PCDH15: variants seen among roughly 807,000 people sequenced by gnomAD.
PCDH15 encodes protocadherin-15.
In PCDH15, 129 loss-of-function variants were observed where a neutral mutation model predicts 178.5. The observed-to-expected ratio is 0.72, with a 90% CI of 0.63 to 0.84. The LOEUF is 0.84. Ranked by LOEUF, PCDH15 falls within the 40% of genes least tolerant of loss-of-function variation. PCDH15 has a pLI of 0.00. For missense variants in PCDH15, 2,230 were observed against 2,099.9 expected (o/e 1.06, Z -1.21); for synonymous variants, 800 against 732.0 (o/e 1.09, Z -1.50).
chr10:55,049,685 C>G (rs1841109024), intron 2 of PCDH15, among the ~76,000 whole-genome samples: 1 of 151,890 alleles, frequency 6.6e-6, no homozygotes, highest in African/African-American at 2.4e-5. Context: ...GGTGACTGTA[C>G]AGGTTAGTTA....
chr10:54,558,966 A>G (rs1218857906), intron 2 of PCDH15, among the ~76,000 whole-genome samples: 1 of 152,048 alleles, frequency 6.6e-6, no homozygotes, highest in African/African-American at 2.4e-5. Context: ...AGATACAGAG[A>G]TAAGGTCAGT....
chr10:55,217,874 G>T (rs550680164), intron 1 of PCDH15, among the ~76,000 whole-genome samples: 2 of 152,012 alleles, frequency 1.3e-5, no homozygotes, highest in South Asian at 4.1e-4. Context: ...TTGTGGAAGG[G>T]ATTCTTTTTA....
At chr10:54,312,997 G>A (rs887134040) in intron 8 of PCDH15, among the ~76,000 whole-genome samples, 9 of 152,044 alleles carry the variant, frequency 5.9e-5, no homozygotes, top group Admixed American at 2.6e-4. Context: ...TTTTTTCAAA[G>A]TATGTTAAGG....
At chr10:54,847,935 T>C (rs542938785) in intron 3 of PCDH15, among the ~76,000 whole-genome samples, 1 of 152,310 alleles carries the variant, frequency 6.6e-6, no homozygotes, top group East Asian at 1.9e-4. Flanking sequence ...CCATATACTT[T>C]GTATGATACA....
At chr10:54,741,107 T>C (rs957182830) in intron 1 of PCDH15, among the ~76,000 whole-genome samples, 2 of 151,608 alleles carry the variant, frequency 1.3e-5, no homozygotes, top group African/African-American at 2.4e-5. Context: ...TATGCATGTA[T>C]CAAAATACCA....
chr10:54,678,979 A>G (rs886425411), intron 1 of PCDH15, among the ~76,000 whole-genome samples: 9 of 151,980 alleles, frequency 5.9e-5, no homozygotes, highest in Non-Finnish European at 1.0e-4. Context: ...TCACGAGGTC[A>G]GGAGATCGAG....
rs1840578488 is a variant in PCDH15, at chr10:55,498,172, T to G, written c.-156+129453A>C. On this transcript the variant is annotated intron_variant, in intron 2 of 5. Transcript: ENST00000613346. ...TTTAAGAAGGTTGAGTTATTATATT[T>G]TAAAGTCGAAATTACATTTAAGTTT... Among the ~76,000 whole-genome samples, 6 of 151,994 alleles carry G rather than the reference T, an allele frequency of 3.9e-5. 1 individual carries two copies. The East Asian group carries it at 1.2e-3, about 30-fold the overall frequency.
At chr10:55,300,317 C>A (rs972071587) in intron 1 of PCDH15, among the ~76,000 whole-genome samples, 1 of 152,140 alleles carries the variant, frequency 6.6e-6, no homozygotes, top group Non-Finnish European at 1.5e-5. Context: ...CCTGGATGAT[C>A]TTAGCCTTCA....
intron 3 of PCDH15, among the ~76,000 whole-genome samples, chr10:54,412,136 T>C (rs1182295537): frequency 6.6e-6 from 1 of 151,858 alleles, no homozygotes; most frequent in East Asian, 1.9e-4. Flanking sequence ...ATGGAGGAAC[T>C]GACAATAGAT....
chr10:54,535,176 A>G (rs1258056935), intron 2 of PCDH15, among the ~76,000 whole-genome samples: 1 of 152,216 alleles, frequency 6.6e-6, no homozygotes, highest in Non-Finnish European at 1.5e-5. Context: ...ATTGAATTAT[A>G]TAATTTGATG....
At chr10:54,290,379 AG>A (rs756591449) in intron 8 of PCDH15, among the ~76,000 whole-genome samples, 1 of 152,330 alleles carries the variant, frequency 6.6e-6, no homozygotes. Flanking sequence ...CTGCCTTACA[AG>A]AGCTTCTGAA....
chr10:53,816,871 A>G (rs2132435132), intron 34 of PCDH15, among the ~76,000 whole-genome samples: 1 of 152,356 alleles, frequency 6.6e-6, no homozygotes, highest in Non-Finnish European at 1.5e-5. Flanking sequence ...CAGATTTGGT[A>G]GGAATTGCTT....
At chr10:55,061,998 A>G (rs1369530695) in intron 2 of PCDH15, among the ~76,000 whole-genome samples, 1 of 152,192 alleles carries the variant, frequency 6.6e-6, no homozygotes, top group Non-Finnish European at 1.5e-5. Context: ...CCAGCCTGGC[A>G]ACAGAGCAAG....
intron 2 of PCDH15, among the ~76,000 whole-genome samples, chr10:55,443,663 G>C (rs754869224): frequency 3.9e-5 from 6 of 152,118 alleles, no homozygotes; most frequent in Non-Finnish European, 5.9e-5. Context: ...TGGAGAAATA[G>C]GAACCATTTT....
intron 2 of PCDH15, among the ~76,000 whole-genome samples, chr10:55,328,287 T>C (rs1844088114): frequency 6.6e-6 from 1 of 151,870 alleles, no homozygotes; most frequent in Non-Finnish European, 1.5e-5. Flanking sequence ...TACATTCTGA[T>C]AAATGAGTCA....
At chr10:55,164,024 A>G (rs906093270) in intron 2 of PCDH15, among the ~76,000 whole-genome samples, 10 of 152,158 alleles carry the variant, frequency 6.6e-5, no homozygotes, top group African/African-American at 2.2e-4. Context: ...TGGGGTCTGG[A>G]TTGGGACCCC....
At chr10:54,909,203 A>C (rs900243387) in intron 2 of PCDH15, among the ~76,000 whole-genome samples, 1 of 152,138 alleles carries the variant, frequency 6.6e-6, no homozygotes, top group African/African-American at 2.4e-5. Context: ...TCTGCGGGAC[A>C]CAAAGCCCAG....
At chr10:54,242,130 TTATATATA>T (rs57729172) in intron 8 of PCDH15, among the ~76,000 whole-genome samples, 1,505 of 31,418 alleles carry the variant, frequency 0.048, 62 homozygotes, top group Non-Finnish European at 0.054. Context: ...AATTCTATTT[TTATATATA>T]TATATATATA....
intron 21 of PCDH15, among the ~76,000 whole-genome samples, chr10:53,969,325 AT>A (rs2089410382): frequency 6.6e-6 from 1 of 152,188 alleles, no homozygotes; most frequent in South Asian, 2.1e-4. Context: ...ATAAAAAGAA[AT>A]GAACAAAGCC....
Sources: gnomAD v4.1 joint callset for allele counts (sites outside exome capture counted in the v4.1 genomes callset) on GRCh38, gnomAD v4.1.1 for gene constraint, MANE v1.5 for transcripts, NCBI Gene and HGNC (gene_info 2026-07-23, HGNC 2026-07-21) for gene names.